CNP: variants seen among roughly 807,000 people sequenced by gnomAD.
CNP encodes 2',3'-cyclic nucleotide 3' phosphodiesterase, also known as 2',3'-cyclic-nucleotide 3'-phosphodiesterase.
CNP carries 8 observed loss-of-function variants against 37.9 expected under a neutral mutation model. That is an observed-to-expected ratio of 0.21 (90% CI 0.12 to 0.38). CNP has a LOEUF of 0.38. Ranked by LOEUF, CNP falls within the 10% of genes least tolerant of loss-of-function variation. The pLI is 1.00. For synonymous variants in CNP, 237 were observed against 238.3 expected (o/e 0.99, Z 0.05); for missense variants, 457 against 551.0 (o/e 0.83, Z 1.71).
Position 41,968,481 on chromosome 17 carries a change from CCAGTA to C in CNP, c.419_423del (p.Gln140ProfsTer31). On this transcript the variant is annotated frameshift_variant, in exon 2 of 4. Coordinates refer to ENST00000393892, the MANE Select transcript of CNP (RefSeq NM_033133.5). LOFTEE classifies it high-confidence loss of function. This position sits in a 1 kb window ranked among gnomAD's most constrained non-coding sequence, Gnocchi z 4.8. ...TGGAGCAGCTCTTTGAAATGGCCGA[CCAGTA>C]CCAGTACCAGGTGGTGCTGGTGGAG... 1 of 1,614,074 alleles carries C rather than the reference CCAGTA, an allele frequency of 6.2e-7. No individual in the cohort carries two copies. Among genetic ancestry groups the C allele is most frequent in the Non-Finnish European group, 8.5e-7 (1 of 1,180,030 alleles).
chr17:41,973,722 A>C lies in CNP; in HGVS notation c.1064A>C (p.Glu355Ala). Residue 355 changes from glutamate (E) to alanine (A), a missense_variant, in exon 4 of 4, where the codon GAG (glutamate) becomes GCG (alanine). Around this residue, in one of 2 missense-constraint regions of CNP, gnomAD observed 291 missense variants for 291.7 expected, o/e 1.00. Coordinates refer to ENST00000393892, the MANE Select transcript of CNP (RefSeq NM_033133.5). ...GLDLLEILRQ[E>A]KGGSRGEEVG... Reference sequence around the variant, plus strand: ...GACCTCTTAGAGATTCTGCGGCAGGAGAAGGGGGGCAGCCGAGGCGAGGAG... The same window carrying C: ...GACCTCTTAGAGATTCTGCGGCAGGCGAAGGGGGGCAGCCGAGGCGAGGAG... 6.2e-7 allele frequency: 1 copy of C among 1,611,310 alleles called. No individual in the cohort carries two copies. Among genetic ancestry groups the C allele is most frequent in the Non-Finnish European group, 8.5e-7 (1 of 1,178,484 alleles).
rs1458095475 is a variant in CNP at position 41,973,896 on chromosome 17, G to T, written c.1238G>T (p.Gly413Val). Residue 413 changes from glycine (G) to valine (V), a missense_variant, in exon 4 of 4, where the codon GGC (glycine) becomes GTC (valine). This residue lies in a region of CNP where 291 missense variants were observed against 291.7 expected (regional missense o/e 1.00). Transcript: ENST00000393892. ...CCCACGCAAGGTAGCCGGAAGGGGGGCGCCTTGCAGTCCTGCACCATCATA... is the reference window on the plus strand; with the variant it reads ...CCCACGCAAGGTAGCCGGAAGGGGGTCGCCTTGCAGTCCTGCACCATCATA... ...PVPTQGSRKG[G>V]ALQSCTII 4.5e-6 allele frequency: 7 copies of T among 1,558,532 alleles called. No individual in the cohort carries two copies. Among genetic ancestry groups the T allele is most frequent in the African/African-American group, 1.4e-5 (1 of 73,922 alleles).
intron 1 of CNP, 140 bp from the exon 2 acceptor site, chr17:41,967,928 T>G: frequency 6.8e-7 from 1 of 1,469,220 alleles, no homozygotes. Flanking sequence ...AGCGGAAAGG[T>G]GCTCCCGGAC....
chr17:41,973,263 C>T (rs186397682), intron 3 of CNP, among the ~76,000 whole-genome samples: 55 of 152,316 alleles, frequency 3.6e-4, no homozygotes, highest in Admixed American at 8.5e-4. Flanking sequence ...CCTGTCTGAG[C>T]GCCTTCGTGT....
In CNP at chr17:41,976,094, T is replaced by C. The variant is rs1172674310; in HGVS notation, c.*2170T>C. 6.5e-6 allele frequency: 1 copy of C among 152,758 alleles called. No homozygotes were observed. Among genetic ancestry groups the C allele is most frequent in the Non-Finnish European group, 1.5e-5 (1 of 68,470 alleles). 9.5% of individuals were successfully genotyped at this position (152,758 alleles called of 1,614,324 possible). A position where few individuals can be genotyped will look rare whatever the true frequency, so the allele number is the denominator to read the frequency against. On this transcript the variant is annotated 3_prime_UTR_variant, in exon 4 of 4. Transcript: ENST00000393892. ...GAGTCTTTGTAAGTAAACTGCCCTG[T>C]CTAGGTCAGTACCCACCTGAGCTTT... is the stretch of plus-strand genomic sequence containing the variant.
At chr17:41,966,937 G>C (rs1260054468) in intron 1 of CNP, 50 bp downstream of exon 1, 4 of 1,290,802 alleles carry the variant, frequency 3.1e-6, no homozygotes, top group Non-Finnish European at 3.9e-6. Flanking sequence ...GGCGGGAAAC[G>C]AGTGTCGGGG....
rs1252058869 is a variant in CNP at position 41,975,510 on chromosome 17, C to T, written c.*1586C>T. 1 of 152,410 alleles carries T rather than the reference C, an allele frequency of 6.6e-6. No homozygotes were observed. Among genetic ancestry groups the T allele is most frequent in the African/African-American group, 2.4e-5 (1 of 41,452 alleles). 9.4% of individuals were successfully genotyped at this position (152,410 alleles called of 1,614,324 possible). ...AGAAAGAGTTCAGTAAGACCGGAAG[C>T]TCCTGGTATGGGTTTCTCCCAGTTC... On this transcript the variant is annotated 3_prime_UTR_variant, in exon 4 of 4. Transcript: ENST00000393892.
At chr17:41,969,600 G>T (rs529532167) in intron 2 of CNP, among the ~76,000 whole-genome samples, 4 of 152,306 alleles carry the variant, frequency 2.6e-5, no homozygotes, top group African/African-American at 9.6e-5. Flanking sequence ...CTGTTGCCCA[G>T]GCTGGAGTGC....
At position 41,968,523 on chromosome 17, in the gene CNP, G is replaced by A. The variant is rs370119358; in HGVS notation, c.459G>A (p.Ala153=). The A allele has an allele frequency of 3.1e-6, 5 of 1,614,164 alleles. No homozygotes were observed. The highest frequency in any genetic ancestry group is 2.5e-6 in the Non-Finnish European group (3 of 1,180,036). Residue 153 remains alanine, a synonymous_variant, in exon 2 of 4, where the codon GCG becomes GCA. Coordinates refer to ENST00000393892, the MANE Select transcript of CNP (RefSeq NM_033133.5). This position sits in a 1 kb window ranked among gnomAD's most constrained non-coding sequence, Gnocchi z 4.8. ...YQVVLVEPKT[A]WRLDCAQLKE... The stretch of plus-strand genomic sequence containing the variant: ...TGGTGCTGGTGGAGCCCAAGACGGC[G>A]TGGCGGCTGGACTGTGCCCAGCTCA...
At position 41,973,700 on chromosome 17, in the gene CNP, C is replaced by A; in HGVS notation, c.1042C>A (p.Leu348Ile). 6.2e-7 allele frequency: 1 copy of A among 1,613,074 alleles called. No individual in the cohort carries two copies. Among genetic ancestry groups the A allele is most frequent in the Non-Finnish European group, 8.5e-7 (1 of 1,179,396 alleles). Residue 348 changes from leucine to isoleucine, a missense_variant, in exon 4 of 4, where the codon CTC becomes ATC. Leu to Ile is a conservative substitution (Grantham distance 5). Coordinates refer to ENST00000393892, the MANE Select transcript of CNP (RefSeq NM_033133.5). Reference sequence around the variant, plus strand: ...AGAGGCCGTGCAGACGGGCCTTGACCTCTTAGAGATTCTGCGGCAGGAGAA... The same window carrying A: ...AGAGGCCGTGCAGACGGGCCTTGACATCTTAGAGATTCTGCGGCAGGAGAA... The part of the protein sequence containing the change: ...DVEAVQTGLD[L>I]LEILRQEKGG...
chr17:41,973,113 A>G (rs1555644074), intron 3 of CNP, among the ~76,000 whole-genome samples: 1 of 152,136 alleles, frequency 6.6e-6, no homozygotes, highest in South Asian at 2.1e-4. Context: ...TAACCACATT[A>G]ACTCTGAGGT....
rs1598098898 is a variant in CNP, at chr17:41,966,839, A to G, written c.-46A>G. 5 of 1,374,818 alleles carry G rather than the reference A, an allele frequency of 3.6e-6. No individual in the cohort carries two copies. The highest frequency in any genetic ancestry group is 4.7e-6 in the Non-Finnish European group (5 of 1,065,786). 85.2% of individuals were successfully genotyped at this position (1,374,818 alleles called of 1,614,324 possible). ...CCTCCGCGCAGGCGGGCGGCCCCGG[A>G]GCGCTGGTGCCGGCAGAGGCGGCGA... On this transcript the variant is annotated 5_prime_UTR_variant, in exon 1 of 4. Transcript: ENST00000393892.
Position 41,976,619 on chromosome 17 carries a change from C to G in CNP, c.*2695C>G, listed in dbSNP as rs370498974. ...GACACAGGGCATCCAACTGAGAAAA[C>G]GAAACTGCTCTAAGCACACGGAGAC... On this transcript the variant is annotated 3_prime_UTR_variant, in exon 4 of 4. Transcript: ENST00000393892. The G allele has an allele frequency of 7.2e-7, 1 of 1,395,974 alleles. No homozygotes were observed. The highest frequency in any genetic ancestry group is 9.7e-7 in the Non-Finnish European group (1 of 1,035,680). The allele number at this position is 1,395,974 out of a possible 1,614,324, so 86.5% of individuals were successfully genotyped here. A position where few individuals can be genotyped will look rare whatever the true frequency, so the allele number is the denominator to read the frequency against.
At position 41,968,817 on chromosome 17, in the gene CNP, T is replaced by C; in HGVS notation, c.676+77T>C. ...TGCGGGCAAAGGACCATCATTGTAC[T>C]CAAAGGATGGAGCACGAAGCAGCAG... On this transcript the variant is annotated intron_variant, in intron 2 of 3. Transcript: ENST00000393892. The surrounding 1 kb of genome is among the most constrained non-coding windows in gnomAD (Gnocchi z 4.8). The C allele has an allele frequency of 1.4e-6, 2 of 1,456,172 alleles. No individual in the cohort carries two copies. The highest frequency in any genetic ancestry group is 1.8e-6 in the Non-Finnish European group (2 of 1,091,394). The allele number at this position is 1,456,172 out of a possible 1,614,324, so 90.2% of individuals were successfully genotyped here. A position where few individuals can be genotyped will look rare whatever the true frequency, so the allele number is the denominator to read the frequency against.
rs1043847540 is a variant in CNP, at chr17:41,973,894, G to A, written c.1236G>A (p.Gly412=). The A allele has an allele frequency of 6.4e-7, 1 of 1,560,254 alleles. No homozygotes were observed. Among genetic ancestry groups the A allele is most frequent in the Non-Finnish European group, 8.7e-7 (1 of 1,151,676 alleles). ...KPVPTQGSRK[G]GALQSCTII ...TGCCCACGCAAGGTAGCCGGAAGGG[G>A]GGCGCCTTGCAGTCCTGCACCATCA... The change falls in exon 4 of 4, where the codon GGG becomes GGA. Residue 412 remains glycine, a synonymous_variant. Coordinates refer to ENST00000393892, the MANE Select transcript of CNP (RefSeq NM_033133.5).
chr17:41,975,786 T>C lies in CNP; in HGVS notation c.*1862T>C, dbSNP rs1555644656. On this transcript the variant is annotated 3_prime_UTR_variant, in exon 4 of 4. Coordinates refer to ENST00000393892, the MANE Select transcript of CNP (RefSeq NM_033133.5). ...GCCTGTCCCTGGCCATCTCTGAACT[T>C]CAGCTAGAGCTTCAAGTCTGTGCCT... 2 of 152,196 alleles carry C rather than the reference T, an allele frequency of 1.3e-5. No individual in the cohort carries two copies. The highest frequency in any genetic ancestry group is 2.9e-5 in the Non-Finnish European group (2 of 68,074). 9.4% of individuals were successfully genotyped at this position (152,196 alleles called of 1,614,324 possible). A position where few individuals can be genotyped will look rare whatever the true frequency, so the allele number is the denominator to read the frequency against.
rs782081629 is a variant in CNP, at chr17:41,968,026, C to G, written c.4-42C>G. The stretch of plus-strand genomic sequence containing the variant: ...CTAGGGGTAAGGCCGGCGGGGAGCC[C>G]GCGAATGACCTGGGCTGACATCTCT... On this transcript the variant is annotated intron_variant, in intron 1 of 3. Transcript: ENST00000393892. The surrounding 1 kb of genome is among the most constrained non-coding windows in gnomAD (Gnocchi z 4.8). 1 of 1,573,852 alleles carries G rather than the reference C, an allele frequency of 6.4e-7. No individual in the cohort carries two copies. The highest frequency in any genetic ancestry group is 1.3e-5 in the African/African-American group (1 of 74,226).
In CNP at chr17:41,975,548, C is replaced by T. The variant is rs1411107547; in HGVS notation, c.*1624C>T. 4.6e-5 allele frequency: 7 copies of T among 152,248 alleles called. No homozygotes were observed. Among genetic ancestry groups the T allele is most frequent in the African/African-American group, 1.7e-4 (7 of 41,436 alleles). 9.4% of individuals were successfully genotyped at this position (152,248 alleles called of 1,614,324 possible). ...TTTCTCCCAGTTCTCTAGGGAAGGC[C>T]ACCTGCAGGTCACTGAAACTTCAAG... is the stretch of plus-strand genomic sequence containing the variant. On this transcript the variant is annotated 3_prime_UTR_variant, in exon 4 of 4. Coordinates refer to ENST00000393892, the MANE Select transcript of CNP (RefSeq NM_033133.5).
chr17:41,968,892 C>T lies in CNP; in HGVS notation c.676+152C>T. 3.2e-6 allele frequency: 3 copies of T among 924,630 alleles called. No individual in the cohort carries two copies. The highest frequency in any genetic ancestry group is 4.7e-6 in the Non-Finnish European group (3 of 633,850). The allele number at this position is 924,630 out of a possible 1,614,324, so 57.3% of individuals were successfully genotyped here. Reference sequence around the variant, plus strand: ...CGGGGGCAGGGGCAAGCGGTGCGTCCCAGTGGTAGCCTTGGGGAGTTGGCA... The same window carrying T: ...CGGGGGCAGGGGCAAGCGGTGCGTCTCAGTGGTAGCCTTGGGGAGTTGGCA... On this transcript the variant is annotated intron_variant, in intron 2 of 3. Coordinates refer to ENST00000393892, the MANE Select transcript of CNP (RefSeq NM_033133.5). The surrounding 1 kb of genome is among the most constrained non-coding windows in gnomAD (Gnocchi z 4.8).
Sources: allele counts gnomAD v4.1 joint callset (sites outside exome capture counted in the v4.1 genomes callset), GRCh38; gene constraint gnomAD v4.1.1; regional missense constraint gnomAD v4.1.1; non-coding constraint Gnocchi (gnomAD v3.1); transcripts MANE v1.5; gene names NCBI Gene and HGNC (gene_info 2026-07-23, HGNC 2026-07-21).